The following KCTD20 variants were observed in gnomAD, a reference collection of about 807,000 sequenced individuals.
KCTD20 encodes the protein potassium channel tetramerization domain containing 20, also known as BTB/POZ domain-containing protein KCTD20.
Under a neutral mutation model 39.6 loss-of-function variants are expected in KCTD20, and 30 were observed. The ratio of observed to expected loss-of-function variants is 0.76; its 90% confidence interval spans 0.57 to 1.03. KCTD20 has a LOEUF of 1.03. Among genes scored for constraint, KCTD20 ranks in the 50% least tolerant of loss-of-function variants. The pLI is 0.00. For missense variants in KCTD20, 422 were observed against 522.0 expected (o/e 0.81, Z 1.87); for synonymous variants, 162 against 180.6 (o/e 0.90, Z 0.83).
intron 2 of KCTD20, 38 bp downstream of exon 2, chr6:36,470,295 TCCAATAC>T: frequency 1.3e-6 from 2 of 1,566,308 alleles, no homozygotes; most frequent in South Asian, 2.3e-5. Flanking sequence ...TGGGGGGCTT[TCCAATAC>T]TAGAGCATCT....
intron 1 of KCTD20, among the ~76,000 whole-genome samples, chr6:36,446,024 G>GTTTTTT (rs553882182): frequency 0.43 from 54,968 of 126,474 alleles, 14,067 homozygotes; most frequent in Non-Finnish European, 0.52. Flanking sequence ...TATGAACTCA[G>GTTTTTT]TTTTTTTTTT....
intron 3 of KCTD20, 74 bp from the exon 4 acceptor site, chr6:36,479,047 G>A: frequency 1.0e-6 from 1 of 978,160 alleles, no homozygotes; most frequent in Non-Finnish European, 1.6e-6. Flanking sequence ...CCAGAATGAG[G>A]TGGAGAAGGG....
intron 1 of KCTD20, among the ~76,000 whole-genome samples, chr6:36,445,549 CTT>C (rs1775016108): frequency 6.6e-6 from 1 of 152,164 alleles, no homozygotes; most frequent in African/African-American, 2.4e-5. Flanking sequence ...TCCTGCCCCT[CTT>C]TGGCTAAGTG....
chr6:36,462,692 A>G (rs951181957), intron 1 of KCTD20, among the ~76,000 whole-genome samples: 1 of 152,238 alleles, frequency 6.6e-6, no homozygotes, highest in Non-Finnish European at 1.5e-5. Flanking sequence ...CTCTTAAATA[A>G]TACATTATCT....
At chr6:36,474,258 T>C (rs1477534718) in intron 2 of KCTD20, among the ~76,000 whole-genome samples, 1 of 126,336 alleles carries the variant, frequency 7.9e-6, no homozygotes, top group Non-Finnish European at 1.6e-5. Context: ...CAGAGTGTAA[T>C]ATTCCCCTTC....
chr6:36,452,999 CTTTTTTTTTTT>C lies in KCTD20; in HGVS notation c.-47+9903_-47+9913del, dbSNP rs59865602. ...TTTTAGGGCTTATCAGTTTTCTTAG[CTTTTTTTTTTT>C]TTTTTTTTTTTTTTGGATACAGGGT... is the stretch of plus-strand genomic sequence containing the variant. On this transcript the variant is annotated intron_variant, in intron 1 of 7. Transcript: ENST00000373731. 5.4e-3 allele frequency among the ~76,000 whole-genome samples: 314 copies of C among 58,202 alleles called. 2 individuals carry two copies. The highest frequency in any genetic ancestry group is 0.021 in the African/African-American group (304 of 14,252). 38.2% of individuals were successfully genotyped at this position (58,202 alleles called of 152,430 possible).
Position 36,474,882 on chromosome 6 carries a change from G to A in KCTD20, c.254G>A (p.Ser85Asn), listed in dbSNP as rs79512125. The change falls in exon 3 of 8, where the codon AGT becomes AAT. Residue 85 changes from serine to asparagine, a missense_variant. Coordinates refer to ENST00000373731, the MANE Select transcript of KCTD20 (RefSeq NM_173562.5). ...GACATCAAAGGTTCTTGCTTCCAAA[G>A]TGGGAATAAACGGAACCATGAACCT... ...AEDIKGSCFQ[S>N]GNKRNHEPFI... 501 of 1,614,162 alleles carry A rather than the reference G, an allele frequency of 3.1e-4. 5 individuals carry two copies. In the East Asian group the frequency reaches 0.011, roughly 35 times the overall value.
intron 5 of KCTD20, among the ~76,000 whole-genome samples, chr6:36,481,188 T>C (rs1776234753): frequency 6.6e-6 from 1 of 152,242 alleles, no homozygotes; most frequent in African/African-American, 2.4e-5. Flanking sequence ...AGATTATTCC[T>C]CTATTATGGT....
chr6:36,474,438 A>T (rs1396118582), intron 2 of KCTD20, among the ~76,000 whole-genome samples: 3 of 152,198 alleles, frequency 2.0e-5, no homozygotes, highest in Non-Finnish European at 4.4e-5. Context: ...AGGTATAGGG[A>T]ATAGCAGGGG....
At chr6:36,474,326 G>A (rs1161715828) in intron 2 of KCTD20, among the ~76,000 whole-genome samples, 4 of 148,998 alleles carry the variant, frequency 2.7e-5, no homozygotes, top group Non-Finnish European at 5.9e-5. Context: ...GCACATATTA[G>A]TAGCAGGTTC....
rs115166630 is a variant in KCTD20 at position 36,478,443 on chromosome 6, G to C, written c.435-678G>C. Among the ~76,000 whole-genome samples, 999 of 152,290 alleles carry C rather than the reference G, an allele frequency of 6.6e-3. 8 individuals carry two copies. Among genetic ancestry groups the C allele is most frequent in the African/African-American group, 0.021 (879 of 41,556 alleles). ...CTGAGTTCATGCTGACAGCAAGCCT[G>C]TCTCTCTGAAATGCAGTAAACTGCT... On this transcript the variant is annotated intron_variant, in intron 3 of 7. Coordinates refer to ENST00000373731, the MANE Select transcript of KCTD20 (RefSeq NM_173562.5).
At chr6:36,473,209 C>T (rs1480805448) in intron 2 of KCTD20, among the ~76,000 whole-genome samples, 2 of 151,914 alleles carry the variant, frequency 1.3e-5, no homozygotes, top group African/African-American at 2.4e-5. Flanking sequence ...TACAGGCACC[C>T]GCCACCACAC....
chr6:36,461,663 T>TA (rs1775603313), intron 1 of KCTD20, among the ~76,000 whole-genome samples: 1 of 152,176 alleles, frequency 6.6e-6, no homozygotes, highest in Non-Finnish European at 1.5e-5. Flanking sequence ...TTAAGTTATA[T>TA]TGACAAAAAA....
At position 36,458,628 on chromosome 6, in the gene KCTD20, C is replaced by T. The variant is rs578065975; in HGVS notation, c.-46-11424C>T. ...GAACTCCTGGGCTCAAGTGATCCTC[C>T]TGCCTTGGCCTCCCAAAGTGCTGGG... On this transcript the variant is annotated intron_variant, in intron 1 of 7. Coordinates refer to ENST00000373731, the MANE Select transcript of KCTD20 (RefSeq NM_173562.5). Among the ~76,000 whole-genome samples, 141 of 151,746 alleles carry T rather than the reference C, an allele frequency of 9.3e-4. 1 individual carries two copies. The highest frequency in any genetic ancestry group is 3.1e-3 in the African/African-American group (130 of 41,482).
intron 1 of KCTD20, among the ~76,000 whole-genome samples, chr6:36,459,022 A>G (rs1301755364): frequency 1.3e-5 from 2 of 151,920 alleles, no homozygotes; most frequent in African/African-American, 4.8e-5. Flanking sequence ...AGAAGTAAAG[A>G]TGGCTGGGCA....
At chr6:36,443,357 G>T (rs1487776207) in intron 1 of KCTD20, 1 of 152,198 alleles carries the variant, frequency 6.6e-6, no homozygotes, top group African/African-American at 2.4e-5. Context: ...GGGAGGCGAC[G>T]CTGCGCCCAG....
rs1022251835 is a variant in KCTD20 at position 36,487,759 on chromosome 6, T to G, written c.*584T>G. ...ATTCTTAAGAGCTTAAATTCAGATT[T>G]GTGTCTCATTAATGCAGTGAACAAT... On this transcript the variant is annotated 3_prime_UTR_variant, in exon 8 of 8. Coordinates refer to ENST00000373731, the MANE Select transcript of KCTD20 (RefSeq NM_173562.5). 3 of 152,454 alleles carry G rather than the reference T, an allele frequency of 2.0e-5. No individual in the cohort carries two copies. The highest frequency in any genetic ancestry group is 7.2e-5 in the African/African-American group (3 of 41,464). The allele number at this position is 152,454 out of a possible 1,614,324, so 9.4% of individuals were successfully genotyped here.
chr6:36,489,193 A>G lies in KCTD20; in HGVS notation c.*2018A>G, dbSNP rs185783999. The G allele has an allele frequency of 2.0e-5, 3 of 152,802 alleles. No homozygotes were observed. The highest frequency in any genetic ancestry group is 1.9e-4 in the East Asian group (1 of 5,192). 9.5% of individuals were successfully genotyped at this position (152,802 alleles called of 1,614,324 possible). ...TTTGTATATTCCATGATAACTATGT[A>G]TAACTTCTGTTACACAGCTTATGTA... is the stretch of plus-strand genomic sequence containing the variant. On this transcript the variant is annotated 3_prime_UTR_variant, in exon 8 of 8. Coordinates refer to ENST00000373731, the MANE Select transcript of KCTD20 (RefSeq NM_173562.5).
intron 5 of KCTD20, 69 bp downstream of exon 5, chr6:36,479,780 T>A: frequency 1.5e-4 from 2 of 13,750 alleles, no homozygotes; most frequent in Non-Finnish European, 2.2e-4. Flanking sequence ...AAGTCACCGA[T>A]TTTTTTTTTT....
Sources: allele counts gnomAD v4.1 joint callset (sites outside exome capture counted in the v4.1 genomes callset), GRCh38; gene constraint gnomAD v4.1.1; transcripts MANE v1.5; gene names NCBI Gene and HGNC (gene_info 2026-07-23, HGNC 2026-07-21).